Variants in VRK1 observed in about 807,000 individuals in gnomAD.
VRK1 encodes the protein VRK serine/threonine kinase 1.
In VRK1, 33 loss-of-function variants were observed where a neutral mutation model predicts 57.1. The observed-to-expected ratio is 0.58, with a 90% CI of 0.44 to 0.77. The LOEUF is 0.77. Among genes scored for constraint, VRK1 ranks in the 30% least tolerant of loss-of-function variants. The pLI is 0.00. For synonymous variants in VRK1, 137 were observed against 147.8 expected, an observed-to-expected ratio of 0.93 and a Z score of 0.53; for missense variants, 413 against 477.3, an observed-to-expected ratio of 0.87 and a Z score of 1.25.
At chr14:96,864,488 A>C (rs967316702) in intron 11 of VRK1, among the ~76,000 whole-genome samples, 26 of 152,210 alleles carry the variant, frequency 1.7e-4, no homozygotes, top group African/African-American at 5.5e-4. Context: ...GTAGTATCCC[A>C]TATGACTATA....
intron 3 of VRK1, among the ~76,000 whole-genome samples, chr14:96,841,509 AT>A (rs1202587600): frequency 6.6e-6 from 1 of 152,156 alleles, no homozygotes; most frequent in Non-Finnish European, 1.5e-5. Context: ...TTTGCATTTA[AT>A]ATTTTAGTAA....
intron 1 of VRK1, among the ~76,000 whole-genome samples, chr14:96,803,719 C>T (rs1218861218): frequency 6.6e-6 from 1 of 152,204 alleles, no homozygotes; most frequent in Non-Finnish European, 1.5e-5. Context: ...CACAACCTCA[C>T]TACCATTTGG....
intron 2 of VRK1, 75 bp from the exon 3 acceptor site, chr14:96,837,687 G>A: frequency 1.1e-6 from 1 of 916,658 alleles, no homozygotes; most frequent in Non-Finnish European, 1.6e-6. Context: ...AAGGGTTACA[G>A]ATATACAAAC....
At chr14:96,803,186 T>C (rs12896226) in intron 1 of VRK1, among the ~76,000 whole-genome samples, 45,790 of 146,894 alleles carry the variant, frequency 0.31, 6,882 homozygotes, top group South Asian at 0.41. Flanking sequence ...TTTTTTTTTT[T>C]TTGAGGCAGG....
rs374386994 is a variant in VRK1 at position 96,856,117 on chromosome 14, C to G, written c.710-13C>G. 6.2e-7 allele frequency: 1 copy of G among 1,613,354 alleles called. No individual in the cohort carries two copies. The highest frequency in any genetic ancestry group is 8.5e-7 in the Non-Finnish European group (1 of 1,179,608). ...ATTTCAGTCTACCTAATGTTCTTCT[C>G]TTGCATTTGTAGCCCCATCAAGACG... On this transcript the variant is annotated splice_polypyrimidine_tract_variant and intron_variant, in intron 8 of 12. Coordinates refer to ENST00000216639, the MANE Select transcript of VRK1 (RefSeq NM_003384.3).
chr14:96,846,637 A>G (rs1479884286), intron 4 of VRK1, among the ~76,000 whole-genome samples: 7 of 150,368 alleles, frequency 4.7e-5, no homozygotes, highest in African/African-American at 1.5e-4. Context: ...AGAAACTGCA[A>G]CTTCAGGATA....
At chr14:96,864,206 A>G (rs1277410867) in intron 11 of VRK1, among the ~76,000 whole-genome samples, 1 of 152,120 alleles carries the variant, frequency 6.6e-6, no homozygotes, top group Non-Finnish European at 1.5e-5. Flanking sequence ...TATTTGGCTG[A>G]ATTTTGTCAA....
chr14:96,826,442 C>T (rs1256680157), intron 1 of VRK1, among the ~76,000 whole-genome samples: 1 of 152,164 alleles, frequency 6.6e-6, no homozygotes, highest in Non-Finnish European at 1.5e-5. Context: ...TGATTTGCAT[C>T]TTGATGTGCT....
intron 2 of VRK1, among the ~76,000 whole-genome samples, chr14:96,836,004 A>C (rs929104599): frequency 3.3e-5 from 5 of 152,188 alleles, no homozygotes; most frequent in Non-Finnish European, 7.3e-5. Context: ...AGACTTTTAA[A>C]GAGTGGCATA....
At chr14:96,868,178 G>GACTC in intron 11 of VRK1, among the ~76,000 whole-genome samples, 1 of 152,110 alleles carries the variant, frequency 6.6e-6, no homozygotes, top group Non-Finnish European at 1.5e-5. Context: ...TAGGTGCCAG[G>GACTC]ACTCACTGCT....
At chr14:96,817,096 G>A (rs1191064295) in intron 1 of VRK1, among the ~76,000 whole-genome samples, 2 of 152,154 alleles carry the variant, frequency 1.3e-5, no homozygotes, top group Non-Finnish European at 2.9e-5. Flanking sequence ...GCCATGTGTT[G>A]TTGATAGTTG....
At chr14:96,811,753 A>G (rs561389020) in intron 1 of VRK1, among the ~76,000 whole-genome samples, 1 of 144,008 alleles carries the variant, frequency 6.9e-6, no homozygotes, top group South Asian at 2.3e-4. Context: ...CCTTGCTATC[A>G]CATTTTCCCT....
intron 3 of VRK1, among the ~76,000 whole-genome samples, chr14:96,839,016 A>T (rs1010842561): frequency 3.4e-4 from 52 of 150,806 alleles, no homozygotes; most frequent in Non-Finnish European, 5.9e-5. Context: ...TACTAAAAAG[A>T]TTCCTTATGT....
At position 96,855,286 on chromosome 14, in the gene VRK1, C is replaced by T. The variant is rs1217274457; in HGVS notation, c.639C>T (p.Tyr213=). 4.3e-6 allele frequency: 7 copies of T among 1,614,024 alleles called. No homozygotes were observed. In the South Asian group the frequency reaches 7.7e-5, roughly 18 times the overall value. Residue 213 remains tyrosine, a synonymous_variant, in exon 8 of 13, where the codon TAC becomes TAT. Coordinates refer to ENST00000216639, the MANE Select transcript of VRK1 (RefSeq NM_003384.3). ...GCCCAGAAGGAGTTCATAAAGAATACAAAGAAGACCCCAAAAGATGTCACG... is the reference window on the plus strand; with the variant it reads ...GCCCAGAAGGAGTTCATAAAGAATATAAAGAAGACCCCAAAAGATGTCACG... ...RYCPEGVHKE[Y]KEDPKRCHDG...
intron 1 of VRK1, among the ~76,000 whole-genome samples, chr14:96,803,305 G>A (rs111344143): frequency 0.083 from 12,603 of 151,586 alleles, 682 homozygotes; most frequent in Non-Finnish European, 0.13. Flanking sequence ...CCTAGTAGCT[G>A]GGTCACAGGC....
chr14:96,842,616 G>A (rs1039744147), intron 3 of VRK1, among the ~76,000 whole-genome samples: 8 of 152,122 alleles, frequency 5.3e-5, no homozygotes, highest in Admixed American at 2.0e-4. Flanking sequence ...CAAATGTTAC[G>A]AAATAAAGGC....
rs568629885 is a variant in VRK1, at chr14:96,803,607, ACT to A, written c.-6+6164_-6+6165del. On this transcript the variant is annotated intron_variant, in intron 1 of 12. Transcript: ENST00000216639. ...AAAACGTATTTATGTAGGGTTCGAT[ACT>A]CTCCATACTCTCCACCATTTAAGGT... Among the ~76,000 whole-genome samples the A allele has an allele frequency of 1.9e-3, 286 of 151,968 alleles. 1 individual carries two copies. Among genetic ancestry groups the A allele is most frequent in the African/African-American group, 6.9e-3 (284 of 41,420 alleles).
rs181320922 is a variant in VRK1, at chr14:96,881,025, T to C, written c.1160-152T>C. The C allele has an allele frequency of 2.2e-4, 147 of 679,124 alleles. 2 individuals carry two copies. In the East Asian group the frequency reaches 4.0e-3, roughly 19 times the overall value. The allele number at this position is 679,124 out of a possible 1,614,324, so 42.1% of individuals were successfully genotyped here. ...AAGATTTTCAGAGTATTAGCAATCA[T>C]ACCTTTGTATGTCAGTTTTATCTTT... On this transcript the variant is annotated intron_variant, in intron 12 of 12. Transcript: ENST00000216639.
chr14:96,798,562 TTTTTC>T (rs1327299898), intron 1 of VRK1, among the ~76,000 whole-genome samples: 1 of 152,328 alleles, frequency 6.6e-6, no homozygotes. Flanking sequence ...TGTGTGTGTG[TTTTTC>T]TTTTCTTCTT....
Sources: allele counts gnomAD v4.1 joint callset (sites outside exome capture counted in the v4.1 genomes callset), GRCh38; gene constraint gnomAD v4.1.1; transcripts MANE v1.5; gene names NCBI Gene and HGNC (gene_info 2026-07-23, HGNC 2026-07-21).